Variants in ZC3H14 observed in about 807,000 individuals in gnomAD.
The protein encoded by ZC3H14 is zinc finger CCCH-type containing 14, also known as zinc finger CCCH domain-containing protein 14.
In ZC3H14, 31 loss-of-function variants were observed where a neutral mutation model predicts 92.4. The ratio of observed to expected loss-of-function variants is 0.34; its 90% CI spans 0.25 to 0.45. The LOEUF (loss-of-function observed/expected upper bound fraction) is 0.45, where lower values mean the gene tolerates loss of function less well. Ranked by LOEUF, ZC3H14 falls within the 20% of genes least tolerant of loss-of-function variation. The pLI, the probability that ZC3H14 is intolerant of heterozygous loss-of-function variation, is 1.00. For missense variants in ZC3H14, 781 were observed against 897.3 expected, an observed-to-expected ratio of 0.87 and a Z score of 1.66; for synonymous variants, 321 against 300.9, an observed-to-expected ratio of 1.07 and a Z score of -0.69.
At chr14:88,609,843 A>C (rs774746696) in intron 15 of ZC3H14, 40 bp downstream of exon 15, 1 of 1,587,504 alleles carries the variant, frequency 6.3e-7, no homozygotes. Context: ...TAGTGACAAC[A>C]TCTCAATTTC....
At position 88,615,772 on chromosome 14, in the gene ZC3H14, G is replaced by C. The variant is rs201466730; in HGVS notation, c.*4021G>C. 7,348 of 1,591,132 alleles carry C rather than the reference G, an allele frequency of 4.6e-3. 27 individuals carry two copies. Among genetic ancestry groups the C allele is most frequent in the Non-Finnish European group, 5.8e-3 (6,735 of 1,167,550 alleles). ...GGTTGGGTTTTGGTTTTTCTTCTCT[G>C]TAATTCTGGTCTCAAAGTTAATTTC... is the stretch of plus-strand genomic sequence containing the variant. On this transcript the variant is annotated 3_prime_UTR_variant, in exon 17 of 17. Transcript: ENST00000251038.
intron 5 of ZC3H14, 108 bp downstream of exon 5, chr14:88,572,333 A>G (rs2080538104): frequency 5.4e-6 from 7 of 1,296,242 alleles, no homozygotes; most frequent in Middle Eastern, 2.0e-4. Flanking sequence ...TTTAGAAACA[A>G]TGAAGTGATC....
chr14:88,612,153 T>C lies in ZC3H14; in HGVS notation c.*402T>C, dbSNP rs907643087. The stretch of plus-strand genomic sequence containing the variant: ...GAGGCAGTTGTCATTATTCTAAAAA[T>C]TGTACTACTTTCACTTTTCCCAAAG... On this transcript the variant is annotated 3_prime_UTR_variant, in exon 17 of 17. Coordinates refer to ENST00000251038, the MANE Select transcript of ZC3H14 (RefSeq NM_024824.5). The C allele has an allele frequency of 1.6e-5, 3 of 182,512 alleles. No individual in the cohort carries two copies. 11.3% of individuals were successfully genotyped at this position (182,512 alleles called of 1,614,324 possible).
At chr14:88,590,630 G>A (rs1349236509) in intron 9 of ZC3H14, 1 of 152,148 alleles carries the variant, frequency 6.6e-6, no homozygotes, top group Non-Finnish European at 1.5e-5. Flanking sequence ...TTATGTTTTT[G>A]TAGTTTAGGT....
chr14:88,596,359 G>A (rs2083820746), intron 9 of ZC3H14, among the ~76,000 whole-genome samples: 1 of 152,132 alleles, frequency 6.6e-6, no homozygotes, highest in African/African-American at 2.4e-5. Flanking sequence ...GGTGATGGAG[G>A]GAGGTGCTTG....
In ZC3H14 at chr14:88,617,015, TG is replaced by T; in HGVS notation, c.*5265del. On this transcript the variant is annotated 3_prime_UTR_variant, in exon 17 of 17. Transcript: ENST00000251038. ...ATACAGGAAGTAAATTATGGTAAGT[TG>T]TTTGGAGACCTGAATTTCATCAGGA... 1 of 707,114 alleles carries T rather than the reference TG, an allele frequency of 1.4e-6. No individual in the cohort carries two copies. Among genetic ancestry groups the T allele is most frequent in the Non-Finnish European group, 2.2e-6 (1 of 452,892 alleles). 43.8% of individuals were successfully genotyped at this position (707,114 alleles called of 1,614,324 possible).
In ZC3H14 at chr14:88,626,820, G is replaced by A. The variant is rs1345016563; in HGVS notation, c.*15069G>A. ...TAAAGTAGTCAAAGTCACACTATGT[G>A]CATTTTAAGAGACATACTGCACCAA... is the stretch of plus-strand genomic sequence containing the variant. On this transcript the variant is annotated 3_prime_UTR_variant, in exon 17 of 17. Transcript: ENST00000251038. 3.7e-6 allele frequency: 6 copies of A among 1,612,580 alleles called. No homozygotes were observed. The highest frequency in any genetic ancestry group is 5.1e-6 in the Non-Finnish European group (6 of 1,179,184).
intron 9 of ZC3H14, among the ~76,000 whole-genome samples, chr14:88,588,249 TC>T (rs1005713378): frequency 1.3e-5 from 2 of 152,142 alleles, no homozygotes; most frequent in African/African-American, 4.8e-5. Context: ...CGAGGCGCCC[TC>T]CTCCCCTGAG....
At position 88,613,902 on chromosome 14, in the gene ZC3H14, A is replaced by AC. The variant is rs1167077827; in HGVS notation, c.*2152dup. ...CACCTTCCCCTCGTTGCTGGCTGAT[A>AC]CAGCGAGGTGGTCAGCTGATGACTA... On this transcript the variant is annotated 3_prime_UTR_variant, in exon 17 of 17. Transcript: ENST00000251038. The AC allele has an allele frequency of 6.6e-6, 1 of 152,234 alleles. No homozygotes were observed. Among genetic ancestry groups the AC allele is most frequent in the Non-Finnish European group, 1.5e-5 (1 of 68,042 alleles). 9.4% of individuals were successfully genotyped at this position (152,234 alleles called of 1,614,324 possible). A position where few individuals can be genotyped will look rare whatever the true frequency, so the allele number is the denominator to read the frequency against.
In ZC3H14 at chr14:88,622,816, A is replaced by T. The variant is rs77916006; in HGVS notation, c.*11065A>T. 369 of 450,890 alleles carry T rather than the reference A, an allele frequency of 8.2e-4. No homozygotes were observed. The highest frequency in any genetic ancestry group is 4.4e-3 in the African/African-American group (184 of 41,458). The allele number at this position is 450,890 out of a possible 1,614,324, so 27.9% of individuals were successfully genotyped here. ...GTTATAAGCAGAATCTTTTTTTTTT[A>T]AAAAGGCCCTGATATTTATAATTTA... On this transcript the variant is annotated 3_prime_UTR_variant, in exon 17 of 17. Transcript: ENST00000251038.
At chr14:88,584,693 T>C (rs2082276899) in intron 9 of ZC3H14, among the ~76,000 whole-genome samples, 1 of 152,196 alleles carries the variant, frequency 6.6e-6, no homozygotes, top group Non-Finnish European at 1.5e-5. Flanking sequence ...TCCAGTAAAT[T>C]GTGAATTGCA....
At chr14:88,583,227 G>T (rs893898588) in intron 9 of ZC3H14, among the ~76,000 whole-genome samples, 17 of 151,592 alleles carry the variant, frequency 1.1e-4, no homozygotes, top group Middle Eastern at 3.4e-3. Context: ...AAATGCCTGG[G>T]CTCAAATGAT....
In ZC3H14 at chr14:88,620,321, C is replaced by T. The variant is rs1190607555; in HGVS notation, c.*8570C>T. 1 of 153,598 alleles carries T rather than the reference C, an allele frequency of 6.5e-6. No homozygotes were observed. The highest frequency in any genetic ancestry group is 1.4e-5 in the Non-Finnish European group (1 of 69,098). The allele number at this position is 153,598 out of a possible 1,614,324, so 9.5% of individuals were successfully genotyped here. A position where few individuals can be genotyped will look rare whatever the true frequency, so the allele number is the denominator to read the frequency against. ...ATTTAAATTAATTTGGATTCTGGAA[C>T]ATTTAATCAATAGGTATTGATTAAA... On this transcript the variant is annotated 3_prime_UTR_variant, in exon 17 of 17. Coordinates refer to ENST00000251038, the MANE Select transcript of ZC3H14 (RefSeq NM_024824.5). This position sits in a 1 kb window ranked among gnomAD's most constrained non-coding sequence, Gnocchi z 4.3.
rs770431990 is a variant in ZC3H14, at chr14:88,615,680, A to G, written c.*3929A>G. The G allele has an allele frequency of 9.4e-5, 70 of 743,890 alleles. No individual in the cohort carries two copies. Among genetic ancestry groups the G allele is most frequent in the Middle Eastern group, 2.4e-4 (1 of 4,212 alleles). The allele number at this position is 743,890 out of a possible 1,614,324, so 46.1% of individuals were successfully genotyped here. On this transcript the variant is annotated 3_prime_UTR_variant, in exon 17 of 17. Transcript: ENST00000251038. ...AATATTTTGAACAGATCAGTCTTTC[A>G]CTATTTTGATGATTCTGGGCATTTC...
chr14:88,563,299 G>C (rs2079104774), intron 1 of ZC3H14, 130 bp downstream of exon 1: 1 of 1,529,098 alleles, frequency 6.5e-7, no homozygotes, highest in East Asian at 2.5e-5. Context: ...GGCGGGCTGC[G>C]GCTCCTCCTC....
rs776652203 is a variant in ZC3H14 at position 88,616,281 on chromosome 14, C to A, written c.*4530C>A. On this transcript the variant is annotated 3_prime_UTR_variant, in exon 17 of 17. Coordinates refer to ENST00000251038, the MANE Select transcript of ZC3H14 (RefSeq NM_024824.5). ...ACAGACAAGCTCAGGGCATTTGGTG[C>A]ACACAGAAGTCAAAGGCTCTTATTA... The A allele has an allele frequency of 6.3e-7, 1 of 1,584,622 alleles. No individual in the cohort carries two copies. Among genetic ancestry groups the A allele is most frequent in the Admixed American group, 1.7e-5 (1 of 59,942 alleles).
chr14:88,580,093 G>A (rs1330917074), intron 9 of ZC3H14, among the ~76,000 whole-genome samples: 2 of 152,138 alleles, frequency 1.3e-5, no homozygotes, highest in African/African-American at 4.8e-5. Flanking sequence ...TCCTTGGGAG[G>A]CTGAAGTGGG....
At chr14:88,569,460 C>T (rs559043609) in intron 3 of ZC3H14, among the ~76,000 whole-genome samples, 7 of 152,090 alleles carry the variant, frequency 4.6e-5, no homozygotes, top group Middle Eastern at 3.4e-3. Flanking sequence ...TGTTATATGC[C>T]TTTAGTTGAG....
intron 9 of ZC3H14, among the ~76,000 whole-genome samples, chr14:88,595,461 C>T (rs1427600170): frequency 2.0e-5 from 3 of 152,138 alleles, no homozygotes; most frequent in Non-Finnish European, 4.4e-5. Flanking sequence ...TGAAGGAGAC[C>T]TGTTGCAGTA....
Sources: allele counts gnomAD v4.1 joint callset (sites outside exome capture counted in the v4.1 genomes callset), GRCh38; gene constraint gnomAD v4.1.1; non-coding constraint Gnocchi (gnomAD v3.1); transcripts MANE v1.5; gene names NCBI Gene and HGNC (gene_info 2026-07-23, HGNC 2026-07-21).